Variants in DOCK3 observed in about 807,000 individuals in gnomAD.
DOCK3 encodes the protein dedicator of cytokinesis protein 3.
A neutral mutation model predicts 265.6 loss-of-function variants in DOCK3; 60 were observed. The ratio of observed to expected loss-of-function variants is 0.23; its 90% confidence interval spans 0.18 to 0.28. The LOEUF (loss-of-function observed/expected upper bound fraction) is 0.28. Ranked by LOEUF, DOCK3 falls within the 10% of genes least tolerant of loss-of-function variation. DOCK3 has a pLI of 1.00. For missense variants in DOCK3, 1,981 were observed against 2,594.3 expected, an observed-to-expected ratio of 0.76 and a Z score of 5.14; for synonymous variants, 881 against 938.0, an observed-to-expected ratio of 0.94 and a Z score of 1.11.
At chr3:51,062,953 C>T (rs1251424702) in intron 5 of DOCK3, among the ~76,000 whole-genome samples, 1 of 152,122 alleles carries the variant, frequency 6.6e-6, no homozygotes, top group Admixed American at 6.5e-5. Flanking sequence ...GAGTTCTCAC[C>T]TTTTTCCAGC....
At chr3:50,758,197 GA>G (rs1010803092) in intron 1 of DOCK3, among the ~76,000 whole-genome samples, 7 of 50,268 alleles carry the variant, frequency 1.4e-4, no homozygotes, top group African/African-American at 3.7e-4. Context: ...AAAAAAAAAA[GA>G]AAAAAAAAAA....
intron 27 of DOCK3, among the ~76,000 whole-genome samples, chr3:51,289,391 G>A: frequency 6.6e-6 from 1 of 152,144 alleles, no homozygotes; most frequent in Non-Finnish European, 1.5e-5. Context: ...AAGCCACTGA[G>A]TAACTACTAA....
intron 9 of DOCK3, among the ~76,000 whole-genome samples, chr3:51,103,290 A>G (rs2083154826): frequency 6.6e-6 from 1 of 152,200 alleles, no homozygotes; most frequent in Non-Finnish European, 1.5e-5. Context: ...CTACAATGAG[A>G]CTACAGAGCA....
chr3:51,009,212 C>G (rs1400791333), intron 5 of DOCK3, among the ~76,000 whole-genome samples: 1 of 152,076 alleles, frequency 6.6e-6, no homozygotes, highest in African/African-American at 2.4e-5. Flanking sequence ...GTCTTTGTAC[C>G]TCTCATAGAA....
intron 22 of DOCK3, among the ~76,000 whole-genome samples, chr3:51,257,144 T>G (rs566579628): frequency 6.6e-6 from 1 of 152,354 alleles, no homozygotes; most frequent in East Asian, 1.9e-4. Flanking sequence ...TGTTTTCATA[T>G]TTGTTCTCAC....
At chr3:51,045,221 G>A (rs1456801726) in intron 5 of DOCK3, among the ~76,000 whole-genome samples, 1 of 152,096 alleles carries the variant, frequency 6.6e-6, no homozygotes, top group Non-Finnish European at 1.5e-5. Context: ...CCATTGTAGA[G>A]TTATTACTTG....
intron 12 of DOCK3, among the ~76,000 whole-genome samples, chr3:51,202,165 C>CCCAAA (rs1322540017): frequency 2.2e-4 from 1 of 4,520 alleles, no homozygotes; most frequent in Non-Finnish European, 3.2e-4. Context: ...CAAGAAATAA[C>CCCAAA]TAAGAGCAGA....
At chr3:50,981,691 G>A (rs1037748835) in intron 5 of DOCK3, among the ~76,000 whole-genome samples, 2 of 151,986 alleles carry the variant, frequency 1.3e-5, no homozygotes, top group Non-Finnish European at 2.9e-5. Context: ...TTTTCATTGT[G>A]TAATGACTTT....
chr3:50,941,638 A>G (rs893607562), intron 5 of DOCK3, among the ~76,000 whole-genome samples: 2 of 152,108 alleles, frequency 1.3e-5, no homozygotes, highest in African/African-American at 4.8e-5. Context: ...CTTTATTTCT[A>G]ATAGCATAAA....
intron 27 of DOCK3, among the ~76,000 whole-genome samples, chr3:51,293,145 TAAA>T (rs2081883445): frequency 6.6e-6 from 1 of 151,796 alleles, no homozygotes; most frequent in Non-Finnish European, 1.5e-5. Context: ...GTGTATGGAA[TAAA>T]AAAAGACCCC....
chr3:51,056,227 A>G (rs1559998783), intron 5 of DOCK3, among the ~76,000 whole-genome samples: 1 of 152,026 alleles, frequency 6.6e-6, no homozygotes, highest in Non-Finnish European at 1.5e-5. Context: ...CTGGGTTTAA[A>G]GGTATTTTAT....
In DOCK3 at chr3:51,277,686, A is replaced by G; in HGVS notation, c.2755A>G (p.Met919Val). 2 of 1,610,754 alleles carry G rather than the reference A, an allele frequency of 1.2e-6. No homozygotes were observed. The highest frequency in any genetic ancestry group is 1.7e-6 in the Non-Finnish European group (2 of 1,178,816). ...GCTCTTGCAGACTCTGCTCACCATC[A>G]TGAGCAAATCGCACGCTCAGGAGGC... is the stretch of plus-strand genomic sequence containing the variant. ...DVLLQTLLTI[M>V]SKSHAQEAVR... The change falls in exon 26 of 53, where the codon ATG (methionine) becomes GTG (valine). Residue 919 changes from methionine to valine, a missense_variant. Met to Val is a conservative substitution (Grantham distance 21, BLOSUM62 1). Around this residue, in one of 4 missense-constraint regions of DOCK3, gnomAD observed 1,357 missense variants for 1,866.8 expected, o/e 0.73. Coordinates refer to ENST00000266037, the MANE Select transcript of DOCK3 (RefSeq NM_004947.5).
intron 1 of DOCK3, among the ~76,000 whole-genome samples, chr3:50,683,846 C>T (rs1417431319): frequency 8.5e-6 from 1 of 117,744 alleles, no homozygotes; most frequent in Non-Finnish European, 1.8e-5. Flanking sequence ...TCCCCCCCCC[C>T]CACCCACTCC....
intron 37 of DOCK3, among the ~76,000 whole-genome samples, chr3:51,340,155 T>C (rs1300093544): frequency 6.6e-6 from 1 of 152,224 alleles, no homozygotes; most frequent in Non-Finnish European, 1.5e-5. Context: ...AAGCATTTGC[T>C]AAACTCCTAG....
intron 9 of DOCK3, among the ~76,000 whole-genome samples, chr3:51,124,438 G>C (rs2084171031): frequency 6.6e-6 from 1 of 152,148 alleles, no homozygotes; most frequent in Admixed American, 6.6e-5. Flanking sequence ...ATAGCAATTT[G>C]TGGCTAGTGG....
At chr3:51,302,433 G>T (rs1197136412) in intron 27 of DOCK3, among the ~76,000 whole-genome samples, 2 of 151,996 alleles carry the variant, frequency 1.3e-5, no homozygotes, top group African/African-American at 4.8e-5. Flanking sequence ...TTACATTTAT[G>T]GTTAATATTG....
chr3:50,828,788 A>G (rs1302253795), intron 2 of DOCK3, among the ~76,000 whole-genome samples: 1 of 151,726 alleles, frequency 6.6e-6, no homozygotes, highest in Admixed American at 6.6e-5. Context: ...ATCTCGGCTT[A>G]CTGCAACCTC....
intron 4 of DOCK3, among the ~76,000 whole-genome samples, chr3:50,903,921 C>T (rs1302655322): frequency 6.6e-6 from 1 of 152,074 alleles, no homozygotes; most frequent in East Asian, 1.9e-4. Context: ...CCACTCCCCC[C>T]ACCCCACAAC....
Position 51,382,670 on chromosome 3 carries a change from G to A in DOCK3, c.*1111G>A, listed in dbSNP as rs1349448164. ...GGGCTTCTCCTTTTGGAAGCAGATA[G>A]CCATGCAGGTAGAATTGTCATCTCC... On this transcript the variant is annotated 3_prime_UTR_variant, in exon 53 of 53. Transcript: ENST00000266037. 6.6e-6 allele frequency: 1 copy of A among 152,570 alleles called. No homozygotes were observed. The highest frequency in any genetic ancestry group is 1.9e-4 in the East Asian group (1 of 5,194). 9.5% of individuals were successfully genotyped at this position (152,570 alleles called of 1,614,324 possible). A position where few individuals can be genotyped will look rare whatever the true frequency, so the allele number is the denominator to read the frequency against.
Sources: allele counts gnomAD v4.1 joint callset (sites outside exome capture counted in the v4.1 genomes callset), GRCh38; gene constraint gnomAD v4.1.1; regional missense constraint gnomAD v4.1.1; transcripts MANE v1.5; gene names NCBI Gene and HGNC (gene_info 2026-07-23, HGNC 2026-07-21).